The following SLC24A2 variants were observed in gnomAD, a reference collection of about 807,000 sequenced individuals.
The protein encoded by SLC24A2 is sodium/potassium/calcium exchanger 2.
A neutral mutation model predicts 62.0 loss-of-function variants in SLC24A2; 36 were observed. That is an observed-to-expected ratio of 0.58 (90% CI 0.44 to 0.77). SLC24A2 has a LOEUF of 0.77. SLC24A2 is among the 30% of genes least tolerant of loss of function. The pLI is 0.00. For synonymous variants in SLC24A2, 358 were observed against 294.0 expected, an observed-to-expected ratio of 1.22 and a Z score of -2.23; for missense variants, 846 against 817.9, an observed-to-expected ratio of 1.03 and a Z score of -0.42.
At chr9:19,681,456 A>G (rs532364044) in intron 2 of SLC24A2, among the ~76,000 whole-genome samples, 115 of 152,160 alleles carry the variant, frequency 7.6e-4, no homozygotes, top group African/African-American at 2.6e-3. Context: ...TTTTGTTTAT[A>G]CTATGGCTCC....
chr9:19,840,699 G>T, the SLC24A2 span, among the ~76,000 whole-genome samples: 5 of 151,996 alleles, frequency 3.3e-5, no homozygotes, highest in Non-Finnish European at 4.4e-5. Context: ...TTTGACAAGC[G>T]CATATTTCTG....
rs867792284 is a variant in SLC24A2, at chr9:19,536,447, C to T, written c.1480-8309G>A. On this transcript the variant is annotated intron_variant, in intron 8 of 10. Transcript: ENST00000341998. ...ATTCCCACCTATGAGTGAGAATATG[C>T]GGCGTTTGGTTTTTTGTTCTTGCGA... Among the ~76,000 whole-genome samples, 222 of 107,868 alleles carry T rather than the reference C, an allele frequency of 2.1e-3. 2 individuals carry two copies. The highest frequency in any genetic ancestry group is 5.7e-3 in the African/African-American group (156 of 27,248). The allele number at this position is 107,868 out of a possible 152,430, so 70.8% of individuals were successfully genotyped here. A position where few individuals can be genotyped will look rare whatever the true frequency, so the allele number is the denominator to read the frequency against.
At chr9:19,790,438 G>C (rs1168452750), upstream of SLC24A2, among the ~76,000 whole-genome samples, 1 of 147,896 alleles carries the variant, frequency 6.8e-6, no homozygotes, top group Admixed American at 6.9e-5. Flanking sequence ...TTTTCAGAAA[G>C]CAAGAAAACT....
intron 6 of SLC24A2, among the ~76,000 whole-genome samples, chr9:19,573,904 C>T (rs62561747): frequency 0.011 from 1,736 of 152,312 alleles, 16 homozygotes; most frequent in Admixed American, 0.043. Context: ...CTATTGTTTA[C>T]ACCCTGGACT....
Position 19,597,213 on chromosome 9 carries a change from C to G in SLC24A2, c.1129+16G>C, listed in dbSNP as rs1836726917. 2 of 1,550,658 alleles carry G rather than the reference C, an allele frequency of 1.3e-6. No individual in the cohort carries two copies. The highest frequency in any genetic ancestry group is 1.8e-6 in the Non-Finnish European group (2 of 1,122,518). ...TGTAAAAAAGCCAATGCATACAATT[C>G]TAAAATCATTCTTACCTTCTTCAGT... On this transcript the variant is annotated intron_variant, in intron 5 of 10. Coordinates refer to ENST00000341998, the MANE Select transcript of SLC24A2 (RefSeq NM_020344.4).
intron 2 of SLC24A2, among the ~76,000 whole-genome samples, chr9:19,650,404 G>A (rs1342351749): frequency 2.0e-5 from 3 of 152,266 alleles, no homozygotes; most frequent in Non-Finnish European, 4.4e-5. Context: ...GGGATCACAC[G>A]AAGACCAAGA....
At chr9:19,843,495 A>G in the SLC24A2 span, among the ~76,000 whole-genome samples, 3 of 152,328 alleles carry the variant, frequency 2.0e-5, 1 homozygote, top group Admixed American at 2.0e-4. Context: ...CTGGGCAACA[A>G]GAGCGAAACT....
At chr9:19,631,225 G>A (rs1818170764) in intron 2 of SLC24A2, among the ~76,000 whole-genome samples, 1 of 152,120 alleles carries the variant, frequency 6.6e-6, no homozygotes, top group South Asian at 2.1e-4. Flanking sequence ...TATTTTTAAT[G>A]AGCCCATATG....
At chr9:19,730,066 C>T (rs1318560831) in intron 2 of SLC24A2, among the ~76,000 whole-genome samples, 1 of 152,000 alleles carries the variant, frequency 6.6e-6, no homozygotes, top group Non-Finnish European at 1.5e-5. Flanking sequence ...TGAATGAATG[C>T]CAGGTCACTT....
chr9:19,903,650 G>C, the SLC24A2 span, among the ~76,000 whole-genome samples: 1 of 152,170 alleles, frequency 6.6e-6, no homozygotes, highest in Non-Finnish European at 1.5e-5. Flanking sequence ...CCTTCTTAAA[G>C]ATTCCCTCTG....
the SLC24A2 span, among the ~76,000 whole-genome samples, chr9:19,937,106 G>C: frequency 6.6e-6 from 1 of 152,152 alleles, no homozygotes; most frequent in African/African-American, 2.4e-5. Flanking sequence ...ATACCGCATT[G>C]ATTCACACAT....
the SLC24A2 span, among the ~76,000 whole-genome samples, chr9:20,181,075 T>C: frequency 1.3e-5 from 2 of 152,146 alleles, no homozygotes; most frequent in African/African-American, 4.8e-5. Flanking sequence ...GCAGAAAAAT[T>C]CTTGGCATTC....
At chr9:19,973,816 G>C in the SLC24A2 span, among the ~76,000 whole-genome samples, 1 of 152,140 alleles carries the variant, frequency 6.6e-6, no homozygotes, top group Non-Finnish European at 1.5e-5. Flanking sequence ...GTTTAAAATT[G>C]TTTAGTTATT....
chr9:19,984,700 T>C, the SLC24A2 span, among the ~76,000 whole-genome samples: 2 of 152,212 alleles, frequency 1.3e-5, no homozygotes, highest in Non-Finnish European at 2.9e-5. Flanking sequence ...AGTGAGGCTC[T>C]GTCTCAACAA....
chr9:19,742,366 CA>C (rs764576772), intron 2 of SLC24A2, among the ~76,000 whole-genome samples: 3 of 152,176 alleles, frequency 2.0e-5, no homozygotes, highest in Non-Finnish European at 4.4e-5. Context: ...TTCATATTAG[CA>C]GTCTGTTCTC....
At chr9:19,665,120 C>T (rs1262617161) in intron 2 of SLC24A2, among the ~76,000 whole-genome samples, 1 of 152,164 alleles carries the variant, frequency 6.6e-6, no homozygotes. Flanking sequence ...GATCCGCCTG[C>T]TCTTGAGGAA....
chr9:19,956,760 G>A, the SLC24A2 span, among the ~76,000 whole-genome samples: 2 of 152,196 alleles, frequency 1.3e-5, no homozygotes, highest in South Asian at 4.1e-4. Flanking sequence ...CATGGAAATT[G>A]TAGGAATTAC....
chr9:20,172,631 T>C, the SLC24A2 span, among the ~76,000 whole-genome samples: 100,209 of 151,752 alleles, frequency 0.66, 34,039 homozygotes, highest in Middle Eastern at 0.8. Context: ...AAGATACAAC[T>C]CTCCTAGCTT....
At chr9:19,642,721 C>T (rs1423555501) in intron 2 of SLC24A2, among the ~76,000 whole-genome samples, 1 of 141,970 alleles carries the variant, frequency 7.0e-6, no homozygotes, top group Non-Finnish European at 1.5e-5. Context: ...CGCTCTTTCG[C>T]CCAGTCTGGA....
Sources: gnomAD v4.1 joint callset for allele counts (sites outside exome capture counted in the v4.1 genomes callset) on GRCh38, gnomAD v4.1.1 for gene constraint, MANE v1.5 for transcripts, NCBI Gene and HGNC (gene_info 2026-07-23, HGNC 2026-07-21) for gene names.